Variants in KIRREL3 observed in about 807,000 individuals in gnomAD.
KIRREL3 encodes kin of IRRE-like protein 3.
Under a neutral mutation model 89.7 loss-of-function variants are expected in KIRREL3, and 36 were observed. The ratio of observed to expected loss-of-function variants is 0.40; its 90% confidence interval spans 0.31 to 0.53. KIRREL3 has a LOEUF of 0.53. KIRREL3 is among the 20% of genes least tolerant of loss of function. KIRREL3 has a pLI of 0.49. For synonymous variants in KIRREL3, 445 were observed against 441.4 expected (o/e 1.01, Z -0.10); for missense variants, 864 against 1,056.6 (o/e 0.82, Z 2.53).
At chr11:126,868,564 T>C (rs991234291) in intron 1 of KIRREL3, among the ~76,000 whole-genome samples, 2 of 152,226 alleles carry the variant, frequency 1.3e-5, no homozygotes, top group Non-Finnish European at 2.9e-5. Context: ...TAAGCTCTGA[T>C]GCTTGCTCAG....
rs1444418521 is a variant in KIRREL3, at chr11:126,614,525, A to G, written c.56-51613T>C. 6.6e-6 allele frequency among the ~76,000 whole-genome samples: 1 copy of G among 152,176 alleles called. No homozygotes were observed. Among genetic ancestry groups the G allele is most frequent in the Non-Finnish European group, 1.5e-5 (1 of 68,026 alleles). On this transcript the variant is annotated intron_variant, in intron 1 of 16. Transcript: ENST00000525144. This position sits in a 1 kb window ranked among gnomAD's most constrained non-coding sequence, Gnocchi z 4.6. Reference sequence around the variant, plus strand: ...ATCAATTAAATCAGACTTTCTCATGAGGGTGCATGGACCTGGGCATTGGTG... The same window carrying G: ...ATCAATTAAATCAGACTTTCTCATGGGGGTGCATGGACCTGGGCATTGGTG...
chr11:126,907,433 C>T (rs753765906), intron 1 of KIRREL3, among the ~76,000 whole-genome samples: 4 of 152,188 alleles, frequency 2.6e-5, no homozygotes, highest in Non-Finnish European at 5.9e-5. Context: ...TTTCCAATGG[C>T]ACACAACACA....
At position 126,870,807 on chromosome 11, in the gene KIRREL3, G is replaced by C. The variant is rs932431851; in HGVS notation, c.55+129648C>G. ...ACTGCCCCTCCCCACTTCCAGTGTA[G>C]TTCCTGCACTGCCCCTCCCCACTTC... On this transcript the variant is annotated intron_variant, in intron 1 of 16. Coordinates refer to ENST00000525144, the MANE Select transcript of KIRREL3 (RefSeq NM_032531.4). This position sits in a 1 kb window ranked among gnomAD's most constrained non-coding sequence, Gnocchi z 4.4. 2.6e-5 allele frequency among the ~76,000 whole-genome samples: 4 copies of C among 152,126 alleles called. No homozygotes were observed. Among genetic ancestry groups the C allele is most frequent in the African/African-American group, 9.7e-5 (4 of 41,436 alleles).
rs1037307480 is a variant in KIRREL3, at chr11:126,802,012, C to G, written c.55+198443G>C. ...TTCACCTCACTGTCTCCAAACACCC[C>G]CAAATCAGTTGGTTGAAACCTGATT... On this transcript the variant is annotated intron_variant, in intron 1 of 16. Coordinates refer to ENST00000525144, the MANE Select transcript of KIRREL3 (RefSeq NM_032531.4). This position sits in a 1 kb window ranked among gnomAD's most constrained non-coding sequence, Gnocchi z 5.2. Among the ~76,000 whole-genome samples, 1 of 152,152 alleles carries G rather than the reference C, an allele frequency of 6.6e-6. No individual in the cohort carries two copies. Among genetic ancestry groups the G allele is most frequent in the African/African-American group, 2.4e-5 (1 of 41,440 alleles).
intron 4 of KIRREL3, among the ~76,000 whole-genome samples, chr11:126,504,704 A>G (rs1243410161): frequency 6.6e-6 from 1 of 152,232 alleles, no homozygotes; most frequent in Non-Finnish European, 1.5e-5. Flanking sequence ...ACATAATAAG[A>G]AAAGAGAACT....
chr11:126,776,075 C>T lies in KIRREL3; in HGVS notation c.56-213163G>A, dbSNP rs1376769992. ...GAAGCTCCCCCAGAGGGAAGTCAGG[C>T]CTGGCCTGGGGATTGTGGGGTGACC... is the stretch of plus-strand genomic sequence containing the variant. On this transcript the variant is annotated intron_variant, in intron 1 of 16. Transcript: ENST00000525144. This position sits in a 1 kb window ranked among gnomAD's most constrained non-coding sequence, Gnocchi z 4.7. Among the ~76,000 whole-genome samples the T allele has an allele frequency of 2.0e-5, 3 of 152,170 alleles. No homozygotes were observed. Among genetic ancestry groups the T allele is most frequent in the Non-Finnish European group, 4.4e-5 (3 of 68,014 alleles).
intron 1 of KIRREL3, among the ~76,000 whole-genome samples, chr11:126,853,950 T>C (rs1377876489): frequency 6.6e-6 from 1 of 152,172 alleles, no homozygotes; most frequent in African/African-American, 2.4e-5. Context: ...TCAAGGTTAA[T>C]TATTCAACCC....
At chr11:126,794,614 A>C (rs965520382) in intron 1 of KIRREL3, among the ~76,000 whole-genome samples, 4 of 152,232 alleles carry the variant, frequency 2.6e-5, no homozygotes, top group Non-Finnish European at 4.4e-5. Context: ...ATTACAACCA[A>C]ATGCTGGTGA....
chr11:126,446,975 T>C (rs1955844816), intron 8 of KIRREL3, 89 bp from the exon 9 acceptor site: 14 of 1,463,688 alleles, frequency 9.6e-6, no homozygotes, highest in African/African-American at 1.4e-5. Flanking sequence ...CCCTAGACCT[T>C]GACTGGGGGG....
At chr11:126,449,253 G>A (rs1038604590) in intron 7 of KIRREL3, 96 bp from the exon 8 acceptor site, 27 of 1,411,152 alleles carry the variant, frequency 1.9e-5, no homozygotes, top group Non-Finnish European at 2.5e-5. Context: ...TGAGGCCTGG[G>A]TTGTGTGGCA....
Position 126,441,436 on chromosome 11 carries a change from C to T in KIRREL3, c.1253-887G>A, listed in dbSNP as rs147014150. On this transcript the variant is annotated intron_variant, in intron 10 of 16. Coordinates refer to ENST00000525144, the MANE Select transcript of KIRREL3 (RefSeq NM_032531.4). This position sits in a 1 kb window ranked among gnomAD's most constrained non-coding sequence, Gnocchi z 5.0. ...CTTTCCCCTGTGACGCCTGCCTGGC[C>T]GTGAAAGACAAAAGAAGGAGCAGCT... 2.2e-4 allele frequency among the ~76,000 whole-genome samples: 34 copies of T among 152,170 alleles called. No individual in the cohort carries two copies. The highest frequency in any genetic ancestry group is 4.1e-4 in the Non-Finnish European group (28 of 68,026).
intron 1 of KIRREL3, among the ~76,000 whole-genome samples, chr11:126,842,269 G>A (rs2134527855): frequency 6.6e-6 from 1 of 152,232 alleles, no homozygotes; most frequent in East Asian, 1.9e-4. Context: ...CCACATGGAT[G>A]CCCCTGCTCA....
Position 126,685,643 on chromosome 11 carries a change from A to C in KIRREL3, c.56-122731T>G, listed in dbSNP as rs766948960. Among the ~76,000 whole-genome samples the C allele has an allele frequency of 6.6e-6, 1 of 152,204 alleles. No homozygotes were observed. Among genetic ancestry groups the C allele is most frequent in the Non-Finnish European group, 1.5e-5 (1 of 68,020 alleles). On this transcript the variant is annotated intron_variant, in intron 1 of 16. Coordinates refer to ENST00000525144, the MANE Select transcript of KIRREL3 (RefSeq NM_032531.4). This position sits in a 1 kb window ranked among gnomAD's most constrained non-coding sequence, Gnocchi z 5.5. ...ATTACAGTCATAATGGTAACAGATA[A>C]ACCTTAATTAAAACATTCCAAAATA...
rs188635421 is a variant in KIRREL3, at chr11:126,647,196, A to C, written c.56-84284T>G. 6.6e-6 allele frequency among the ~76,000 whole-genome samples: 1 copy of C among 152,258 alleles called. No homozygotes were observed. The highest frequency in any genetic ancestry group is 1.9e-4 in the East Asian group (1 of 5,170). ...CACAATATTTAGGGAGCCCAGGCTCACCCCTGCTACTCTGCCAGGAGCTAT... is the reference window on the plus strand; with the variant it reads ...CACAATATTTAGGGAGCCCAGGCTCCCCCCTGCTACTCTGCCAGGAGCTAT... On this transcript the variant is annotated intron_variant, in intron 1 of 16. Transcript: ENST00000525144. The surrounding 1 kb of genome is among the most constrained non-coding windows in gnomAD (Gnocchi z 4.9).
chr11:126,497,247 TGTGC>T (rs1957698257), intron 4 of KIRREL3, among the ~76,000 whole-genome samples: 3 of 151,540 alleles, frequency 2.0e-5, no homozygotes, highest in Admixed American at 2.0e-4. Context: ...AGTGTGAGTG[TGTGC>T]GTGACAGTGT....
chr11:126,524,656 G>T (rs939911887), intron 3 of KIRREL3, among the ~76,000 whole-genome samples: 2 of 152,194 alleles, frequency 1.3e-5, no homozygotes, highest in Non-Finnish European at 2.9e-5. Context: ...AAAACATTTA[G>T]GTCTTCAAGG....
intron 5 of KIRREL3, among the ~76,000 whole-genome samples, chr11:126,467,607 A>G (rs1431115508): frequency 6.7e-6 from 1 of 149,066 alleles, no homozygotes; most frequent in Admixed American, 6.6e-5. Flanking sequence ...CCCGCTACTC[A>G]CCTTCCCCAC....
In KIRREL3 at chr11:126,946,406, G is replaced by A. The variant is rs1478676896; in HGVS notation, c.55+54049C>T. ...TGGATCACCTTACTCAAACCACCTT[G>A]GCCTCAGCTTCTTCATTAATAAAAT... On this transcript the variant is annotated intron_variant, in intron 1 of 16. Transcript: ENST00000525144. The surrounding 1 kb of genome is among the most constrained non-coding windows in gnomAD (Gnocchi z 4.1). Among the ~76,000 whole-genome samples the A allele has an allele frequency of 6.6e-6, 1 of 152,032 alleles. No homozygotes were observed. Among genetic ancestry groups the A allele is most frequent in the African/African-American group, 2.4e-5 (1 of 41,376 alleles).
At chr11:126,916,778 G>A (rs899311426) in intron 1 of KIRREL3, among the ~76,000 whole-genome samples, 2 of 152,182 alleles carry the variant, frequency 1.3e-5, no homozygotes, top group Non-Finnish European at 2.9e-5. Context: ...GCTGGATAAA[G>A]CATTAGTTAC....
Sources: allele counts gnomAD v4.1 joint callset (sites outside exome capture counted in the v4.1 genomes callset), GRCh38; gene constraint gnomAD v4.1.1; non-coding constraint Gnocchi (gnomAD v3.1); transcripts MANE v1.5; gene names NCBI Gene and HGNC (gene_info 2026-07-23, HGNC 2026-07-21).